MSH6: variants seen among roughly 807,000 people sequenced by gnomAD.
The protein encoded by MSH6 is mutS homolog 6.
Under a neutral mutation model 119.1 loss-of-function variants are expected in MSH6, and 85 were observed. The ratio of observed to expected loss-of-function variants is 0.71; its 90% CI spans 0.60 to 0.85. The LOEUF is 0.85. Ranked by LOEUF, MSH6 falls within the 40% of genes least tolerant of loss-of-function variation. The pLI, the probability that MSH6 is intolerant of heterozygous loss-of-function variation, is 0.00. For synonymous variants in MSH6, 830 were observed against 586.9 expected (o/e 1.41, Z -5.99); for missense variants, 2,163 against 1,655.3 (o/e 1.31, Z -5.32).
At chr2:47,793,739 T>C (rs542846238) in intron 2 of MSH6, among the ~76,000 whole-genome samples, 1 of 149,704 alleles carries the variant, frequency 6.7e-6, no homozygotes, top group African/African-American at 2.4e-5. Context: ...CAGAATTACT[T>C]TTTTTTTTTG....
chr2:47,804,506 A>G (rs1199437239), intron 5 of MSH6, among the ~76,000 whole-genome samples: 1 of 149,576 alleles, frequency 6.7e-6, no homozygotes, highest in African/African-American at 2.5e-5. Context: ...TCTTTAAATC[A>G]GAATCACCTG....
rs1669385359 is a variant in MSH6, at chr2:47,799,844, C to G, written c.1861C>G (p.Leu621Val). The stretch of plus-strand genomic sequence containing the variant: ...ATTGTCCTGTTCTCTTCAGGAAGGT[C>G]TGATACCCGGCTCCCAGTTTTGGGA... Reference protein sequence around the residue: ...SSLSCSLQEGLIPGSQFWDAS... With the variant: ...SSLSCSLQEGVIPGSQFWDAS... Residue 621 changes from leucine (L) to valine (V), a missense_variant, in exon 4 of 10, where the codon CTG (leucine) becomes GTG (valine). Coordinates refer to ENST00000234420, the MANE Select transcript of MSH6 (RefSeq NM_000179.3). 6.2e-7 allele frequency: 1 copy of G among 1,614,172 alleles called. No homozygotes were observed. The highest frequency in any genetic ancestry group is 8.5e-7 in the Non-Finnish European group (1 of 1,180,036).
intron 4 of MSH6, chr2:47,801,377 T>TTTTTTTTTTTTTG (rs1669585896): frequency 2.1e-6 from 1 of 483,548 alleles, no homozygotes; most frequent in Admixed American, 3.9e-5. Context: ...TTTTTTTTTT[T>TTTTTTTTTTTTTG]TTTTTTTTTG....
chr2:47,788,336 C>T (rs1668471975), intron 1 of MSH6, among the ~76,000 whole-genome samples: 1 of 142,136 alleles, frequency 7.0e-6, no homozygotes, highest in Non-Finnish European at 1.5e-5. Context: ...CTTACTGCAA[C>T]CTCTGCCTTC....
intron 4 of MSH6, among the ~76,000 whole-genome samples, chr2:47,803,052 C>G (rs1256044227): frequency 1.3e-5 from 2 of 152,134 alleles, no homozygotes; most frequent in Non-Finnish European, 2.9e-5. Context: ...GCTGGGATTA[C>G]AGGCATATGC....
chr2:47,801,850 T>A (rs1279230376), intron 4 of MSH6, among the ~76,000 whole-genome samples: 1 of 152,128 alleles, frequency 6.6e-6, no homozygotes, highest in Non-Finnish European at 1.5e-5. Flanking sequence ...AGCTTCCCTA[T>A]GTTGCCCAGG....
rs1669961764 is a variant in MSH6, at chr2:47,805,648, A to T, written c.3587A>T (p.Glu1196Val). The part of the protein sequence containing the change: ...GESTFFVELS[E>V]TASILMHATA... ...AGTACATTTTTTGTTGAATTAAGTG[A>T]AACTGCCAGCATACTCATGCATGCA... Residue 1196 changes from glutamate to valine, a missense_variant, in exon 7 of 10, where the codon GAA (glutamate) becomes GTA (valine). Glu to Val is a moderately radical substitution (Grantham distance 121, BLOSUM62 -2). Transcript: ENST00000234420. 6.2e-7 allele frequency: 1 copy of T among 1,613,720 alleles called. No homozygotes were observed. The highest frequency in any genetic ancestry group is 2.2e-5 in the East Asian group (1 of 44,874).
At position 47,794,066 on chromosome 2, in the gene MSH6, A is replaced by T. The variant is rs865834071; in HGVS notation, c.458-1828A>T. 0.029 allele frequency among the ~76,000 whole-genome samples: 3 copies of T among 102 alleles called. No homozygotes were observed. The South Asian group carries it at 0.38, about 13-fold the overall frequency. The allele number at this position is 102 out of a possible 152,430, so 0.1% of individuals were successfully genotyped here. ...TAAAAAGAGATCAGTAAGGCCAGGC[A>T]GTGGTGGCTCACGCCTGTAATCCCA... On this transcript the variant is annotated intron_variant, in intron 2 of 9. Transcript: ENST00000234420.
chr2:47,788,933 T>TTTTTTG (rs1558650273), intron 1 of MSH6, among the ~76,000 whole-genome samples: 4 of 94,048 alleles, frequency 4.3e-5, no homozygotes, highest in African/African-American at 1.9e-4. Context: ...TTTTTTTTTT[T>TTTTTTG]TTTTTTTTTT....
At position 47,791,105 on chromosome 2, in the gene MSH6, C is replaced by A; in HGVS notation, c.439C>A (p.Leu147Ile). The change falls in exon 2 of 10, where the codon CTT (leucine) becomes ATT (isoleucine). Residue 147 changes from leucine to isoleucine, a missense_variant. By Grantham distance (5) the Leu-to-Ile change is conservative. Transcript: ENST00000234420. ...SPTRGWVSKR[L>I]LKPYTGSKSK... ...AACAAGGGGCTGGGTTAGCAAAAGG[C>A]TTTTAAAGCCATATACAGGTAAGAG... 3 of 1,614,044 alleles carry A rather than the reference C, an allele frequency of 1.9e-6. No individual in the cohort carries two copies. The highest frequency in any genetic ancestry group is 2.5e-6 in the Non-Finnish European group (3 of 1,180,002).
intron 1 of MSH6, among the ~76,000 whole-genome samples, chr2:47,790,645 T>TA (rs879260720): frequency 6.6e-6 from 1 of 152,204 alleles, no homozygotes; most frequent in East Asian, 1.9e-4. Context: ...ATCAGCATTA[T>TA]ACCAAAATTC....
At chr2:47,804,068 A>G (rs1669797070) in intron 5 of MSH6, among the ~76,000 whole-genome samples, 2 of 152,210 alleles carry the variant, frequency 1.3e-5, no homozygotes, top group Admixed American at 1.3e-4. Flanking sequence ...GAGGTAAGAA[A>G]GCAAATATAG....
At chr2:47,794,263 G>A (rs1020712145) in intron 2 of MSH6, among the ~76,000 whole-genome samples, 2 of 151,788 alleles carry the variant, frequency 1.3e-5, no homozygotes, top group East Asian at 4.0e-4. Context: ...GCTTGAACCC[G>A]GGAGTCAGTT....
downstream of MSH6, chr2:47,806,997 C>CT: frequency 2.8e-6 from 2 of 705,674 alleles, no homozygotes; most frequent in Non-Finnish European, 5.0e-6. Flanking sequence ...CCTTTTAATT[C>CT]TTATCTACCT....
rs2104522301 is a variant in MSH6, at chr2:47,805,627, C to A, written c.3566C>A (p.Thr1189Lys). The A allele has an allele frequency of 6.2e-7, 1 of 1,603,696 alleles. No homozygotes were observed. The highest frequency in any genetic ancestry group is 1.1e-5 in the South Asian group (1 of 90,694). ...TTTTTTTTTTTTTAAGGTGAAAGTA[C>A]ATTTTTTGTTGAATTAAGTGAAACT... ...ASDRIMSGES[T>K]FFVELSETAS... The change falls in exon 7 of 10, where the codon ACA becomes AAA. Residue 1189 changes from threonine (T) to lysine (K), a missense_variant. Physicochemically the swap from Thr to Lys is moderately conservative, Grantham distance 78. Coordinates refer to ENST00000234420, the MANE Select transcript of MSH6 (RefSeq NM_000179.3).
downstream of MSH6, chr2:47,808,827 C>G: frequency 3.8e-6 from 1 of 261,036 alleles, no homozygotes; most frequent in East Asian, 8.0e-5. Context: ...TGAATGACAT[C>G]AGTTACTGTA....
At chr2:47,801,238 T>C in intron 4 of MSH6, 83 bp downstream of exon 4, 1 of 1,408,012 alleles carries the variant, frequency 7.1e-7, no homozygotes, top group Non-Finnish European at 9.9e-7. Context: ...AAATAAGTAA[T>C]AAGGTATATA....
chr2:47,783,974 G>C, intron 1 of MSH6: 1 of 1,037,338 alleles, frequency 9.6e-7, no homozygotes, highest in Non-Finnish European at 1.2e-6. Context: ...GGTGTGGGGT[G>C]CGAAAGGAGG....
rs752323088 is a variant in MSH6, at chr2:47,805,738, AT to A, written c.3646+32del. ...ACATTAAACTTCTCATTTGAAGACTATCTATCTTAAAAACATTTGTACAAAT... is the reference window on the plus strand; with the variant it reads ...ACATTAAACTTCTCATTTGAAGACTACTATCTTAAAAACATTTGTACAAAT... On this transcript the variant is annotated intron_variant, in intron 7 of 9. Transcript: ENST00000234420. 17 of 144,688 alleles carry A rather than the reference AT, an allele frequency of 1.2e-4. No homozygotes were observed. The African/African-American group carries it at 5.1e-3, about 44-fold the overall frequency. The allele number at this position is 144,688 out of a possible 1,614,324, so 9.0% of individuals were successfully genotyped here.
Sources: gnomAD v4.1 joint callset for allele counts (sites outside exome capture counted in the v4.1 genomes callset) on GRCh38, gnomAD v4.1.1 for gene constraint, MANE v1.5 for transcripts, NCBI Gene and HGNC (gene_info 2026-07-23, HGNC 2026-07-21) for gene names.